The following ADGRB3 variants were observed in gnomAD, a reference collection of about 807,000 sequenced individuals.
ADGRB3 encodes the protein brain-specific angiogenesis inhibitor 3.
Under a neutral mutation model 193.4 loss-of-function variants are expected in ADGRB3, and 37 were observed. The ratio of observed to expected loss-of-function variants is 0.19; its 90% CI spans 0.15 to 0.25. The LOEUF (loss-of-function observed/expected upper bound fraction) is 0.25. Ranked by LOEUF, ADGRB3 falls within the 10% of genes least tolerant of loss-of-function variation. The pLI is 1.00. For synonymous variants in ADGRB3, 690 were observed against 644.2 expected (o/e 1.07, Z -1.08); for missense variants, 1,637 against 1,852.9 (o/e 0.88, Z 2.14).
At chr6:68,664,541 T>C (rs1379992582) in intron 3 of ADGRB3, among the ~76,000 whole-genome samples, 1 of 151,862 alleles carries the variant, frequency 6.6e-6, no homozygotes, top group Non-Finnish European at 1.5e-5. Flanking sequence ...CTGACTATGC[T>C]GACAACCTGA....
At chr6:69,366,455 T>G (rs1050728907) in intron 29 of ADGRB3, among the ~76,000 whole-genome samples, 1 of 152,104 alleles carries the variant, frequency 6.6e-6, no homozygotes, top group African/African-American at 2.4e-5. Flanking sequence ...CCAGCTTAAT[T>G]TGCAGTGACG....
intron 29 of ADGRB3, among the ~76,000 whole-genome samples, chr6:69,363,782 TGGTCTGGCTTTCTTCTC>T (rs1769505044): frequency 6.6e-6 from 1 of 152,060 alleles, no homozygotes. Flanking sequence ...ATAAAGTTTT[TGGTCTGGCTTTCTTCTC>T]GGGCAGCATG....
intron 20 of ADGRB3, among the ~76,000 whole-genome samples, chr6:69,314,780 G>A (rs1768276877): frequency 6.6e-6 from 1 of 151,456 alleles, no homozygotes; most frequent in African/African-American, 2.4e-5. Flanking sequence ...TGTGGAAAAA[G>A]GGAGGTTAGG....
chr6:69,388,936 G>A lies in ADGRB3; in HGVS notation c.*45G>A. The stretch of plus-strand genomic sequence containing the variant: ...GGTAGAGACAAAACTTTATTGCACT[G>A]ACACTTAAGACTTGGGAAGCCTGAC... On this transcript the variant is annotated 3_prime_UTR_variant, in exon 32 of 32. Transcript: ENST00000370598. 6.5e-7 allele frequency: 1 copy of A among 1,545,678 alleles called. No individual in the cohort carries two copies.
At chr6:68,855,647 A>T (rs1764964276) in intron 3 of ADGRB3, among the ~76,000 whole-genome samples, 1 of 152,176 alleles carries the variant, frequency 6.6e-6, no homozygotes, top group Admixed American at 6.6e-5. Context: ...TTTACTCTTC[A>T]AAGAACAATA....
At chr6:69,225,928 C>T (rs937958821) in intron 17 of ADGRB3, among the ~76,000 whole-genome samples, 3 of 152,054 alleles carry the variant, frequency 2.0e-5, no homozygotes, top group African/African-American at 7.2e-5. Flanking sequence ...CATATTTTAA[C>T]CGTTAATTAT....
intron 3 of ADGRB3, among the ~76,000 whole-genome samples, chr6:68,868,912 T>TGA (rs1491520708): frequency 1.1e-4 from 4 of 36,912 alleles, no homozygotes; most frequent in Non-Finnish European, 2.1e-4. Flanking sequence ...CAGATAATGA[T>TGA]GTGTGTGTGT....
At chr6:69,130,776 C>A (rs577523067) in intron 17 of ADGRB3, among the ~76,000 whole-genome samples, 4 of 151,850 alleles carry the variant, frequency 2.6e-5, no homozygotes, top group South Asian at 2.1e-4. Flanking sequence ...CAGCTTTTTT[C>A]TTGAATGACA....
intron 8 of ADGRB3, among the ~76,000 whole-genome samples, chr6:68,968,857 A>G (rs951681657): frequency 6.6e-6 from 1 of 152,170 alleles, no homozygotes; most frequent in African/African-American, 2.4e-5. Flanking sequence ...CTACTGTCCA[A>G]CATAGTTGTT....
At chr6:68,847,185 A>G (rs1768296430) in intron 3 of ADGRB3, among the ~76,000 whole-genome samples, 1 of 152,104 alleles carries the variant, frequency 6.6e-6, no homozygotes, top group African/African-American at 2.4e-5. Context: ...CCATACCCCT[A>G]TTGTATCTAG....
At chr6:68,977,301 G>A (rs951172111) in intron 10 of ADGRB3, among the ~76,000 whole-genome samples, 1 of 151,548 alleles carries the variant, frequency 6.6e-6, no homozygotes, top group African/African-American at 2.4e-5. Flanking sequence ...AAATTTTAAT[G>A]GATTTTTTTT....
At position 68,875,027 on chromosome 6, in the gene ADGRB3, C is replaced by A. The variant is rs574988021; in HGVS notation, c.758-55532C>A. Among the ~76,000 whole-genome samples the A allele has an allele frequency of 4.1e-4, 62 of 150,358 alleles. 3 individuals are homozygous for A. The highest frequency in any genetic ancestry group is 8.1e-4 in the Non-Finnish European group (55 of 67,548). The stretch of plus-strand genomic sequence containing the variant: ...TGGGTAAAAATGAAGCATTTACTTT[C>A]TTTCTTTCTTTCCTCCTTCCTTCCT... On this transcript the variant is annotated intron_variant, in intron 3 of 31. Transcript: ENST00000370598.
chr6:69,006,183 C>G (rs1323233806), intron 11 of ADGRB3, among the ~76,000 whole-genome samples: 1 of 151,916 alleles, frequency 6.6e-6, no homozygotes, highest in Non-Finnish European at 1.5e-5. Flanking sequence ...AGTATACTTT[C>G]TTGACTAGAA....
At chr6:68,702,248 T>A (rs2127309532) in intron 3 of ADGRB3, among the ~76,000 whole-genome samples, 1 of 151,734 alleles carries the variant, frequency 6.6e-6, no homozygotes, top group South Asian at 2.1e-4. Flanking sequence ...AGGGAAGTAC[T>A]ACACTTTTTT....
chr6:69,065,030 A>G (rs1186448139), intron 16 of ADGRB3, among the ~76,000 whole-genome samples: 2 of 152,164 alleles, frequency 1.3e-5, no homozygotes, highest in Non-Finnish European at 2.9e-5. Context: ...TTTATTAAGC[A>G]CCAGCTAGTA....
chr6:69,309,423 A>G (rs1326786131), intron 20 of ADGRB3, among the ~76,000 whole-genome samples: 1 of 151,734 alleles, frequency 6.6e-6, no homozygotes, highest in East Asian at 1.9e-4. Context: ...GGAAGAATGC[A>G]TCTTCCTCTC....
At chr6:69,122,548 C>T (rs1162608096) in intron 17 of ADGRB3, among the ~76,000 whole-genome samples, 1 of 139,804 alleles carries the variant, frequency 7.2e-6, no homozygotes. Flanking sequence ...ATTTTGTTTG[C>T]AGTCTCTAGG....
At chr6:68,843,144 T>C (rs1166545647) in intron 3 of ADGRB3, among the ~76,000 whole-genome samples, 2 of 151,678 alleles carry the variant, frequency 1.3e-5, no homozygotes, top group Non-Finnish European at 2.9e-5. Flanking sequence ...GCACTTTCAC[T>C]ACTGTCATTC....
intron 17 of ADGRB3, among the ~76,000 whole-genome samples, chr6:69,189,990 G>A (rs1280014257): frequency 2.6e-5 from 4 of 152,082 alleles, no homozygotes; most frequent in African/African-American, 9.7e-5. Context: ...TGTGTTTATA[G>A]GGATGCTGGT....
Sources: gnomAD v4.1 joint callset for allele counts (sites outside exome capture counted in the v4.1 genomes callset) on GRCh38, gnomAD v4.1.1 for gene constraint, MANE v1.5 for transcripts, NCBI Gene and HGNC (gene_info 2026-07-23, HGNC 2026-07-21) for gene names.